Variants in PRPF31 observed in about 807,000 individuals in gnomAD.
PRPF31 encodes the protein pre-mRNA processing factor 31, also known as U4/U6 small nuclear ribonucleoprotein Prp31.
Under a neutral mutation model 60.4 loss-of-function variants are expected in PRPF31, and 12 were observed. The observed-to-expected ratio is 0.20, with a 90% confidence interval of 0.13 to 0.32. PRPF31 has a LOEUF of 0.32. Among genes scored for constraint, PRPF31 ranks in the 10% least tolerant of loss-of-function variants. The pLI is 1.00. For missense variants in PRPF31, 431 were observed against 687.1 expected, an observed-to-expected ratio of 0.63 and a Z score of 4.17; for synonymous variants, 287 against 287.9, an observed-to-expected ratio of 1.00 and a Z score of 0.03.
chr19:54,130,264 G>A (rs969612717), intron 13 of PRPF31, among the ~76,000 whole-genome samples: 1 of 133,294 alleles, frequency 7.5e-6, no homozygotes, highest in Non-Finnish European at 1.6e-5. Flanking sequence ...AAGATGTCCA[G>A]TGTAGGAGAA....
intron 3 of PRPF31, 193 bp downstream of exon 3, chr19:54,118,826 T>G (rs2073716875): frequency 3.2e-6 from 2 of 620,836 alleles, no homozygotes; most frequent in Non-Finnish European, 5.6e-6. Context: ...GCTTCTTAAG[T>G]CCTTCCTGTG....
intron 13 of PRPF31, 86 bp from the exon 14 acceptor site, chr19:54,131,221 G>A: frequency 6.4e-7 from 1 of 1,563,712 alleles, no homozygotes; most frequent in Admixed American, 1.7e-5. Context: ...TGAGTGCCAT[G>A]GGGAAGGGCC....
rs587637177 is a variant in PRPF31, at chr19:54,117,037, G to A, written c.-8-1234G>A. On this transcript the variant is annotated intron_variant, in intron 1 of 13. Coordinates refer to ENST00000321030, the MANE Select transcript of PRPF31 (RefSeq NM_015629.4). Reference sequence around the variant, plus strand: ...TTGAGCCCAGGTGATCGAGGCTGCCGTGAGCTATGATGGCGCCACTGCACT... The same window carrying A: ...TTGAGCCCAGGTGATCGAGGCTGCCATGAGCTATGATGGCGCCACTGCACT... Among the ~76,000 whole-genome samples, 9 of 152,212 alleles carry A rather than the reference G, an allele frequency of 5.9e-5. No individual in the cohort carries two copies. The South Asian group carries it at 1.5e-3, about 25-fold the overall frequency.
At chr19:54,128,828 A>C (rs1028600445) in intron 11 of PRPF31, among the ~76,000 whole-genome samples, 1 of 151,756 alleles carries the variant, frequency 6.6e-6, no homozygotes. Context: ...TGGCCTCCCA[A>C]CTCTGAGCTC....
chr19:54,123,344 C>T, intron 5 of PRPF31, 110 bp from the exon 6 acceptor site: 1 of 856,648 alleles, frequency 1.2e-6, no homozygotes, highest in Non-Finnish European at 2.0e-6. Flanking sequence ...TGCAGAGACC[C>T]TGACTGTCCC....
At position 54,118,459 on chromosome 19, in the gene PRPF31, A is replaced by G. The variant is rs368136864; in HGVS notation, c.177+4A>G. 1 of 1,614,048 alleles carries G rather than the reference A, an allele frequency of 6.2e-7. No homozygotes were observed. The highest frequency in any genetic ancestry group is 8.5e-7 in the Non-Finnish European group (1 of 1,180,012). ...CAAGCTATGGGATAGTAAGATGGTA[A>G]GAGGACAAGAGGTGTTCCTAGCAGG... On this transcript the variant is annotated splice_donor_region_variant and intron_variant, in intron 2 of 13. Coordinates refer to ENST00000321030, the MANE Select transcript of PRPF31 (RefSeq NM_015629.4).
chr19:54,123,033 A>G, intron 5 of PRPF31: 1 of 436,126 alleles, frequency 2.3e-6, no homozygotes, highest in Non-Finnish European at 4.3e-6. Context: ...AAGCCAAGGA[A>G]GGGTTTCGGA....
Position 54,129,280 on chromosome 19 carries a change from G to A in PRPF31, c.1284G>A (p.Leu428=). The A allele has an allele frequency of 6.2e-7, 1 of 1,611,358 alleles. No homozygotes were observed. Among genetic ancestry groups the A allele is most frequent in the Non-Finnish European group, 8.5e-7 (1 of 1,179,390 alleles). The change falls in exon 13 of 14, where the codon CTG becomes CTA. Residue 428 remains leucine (L), a synonymous_variant. Coordinates refer to ENST00000321030, the MANE Select transcript of PRPF31 (RefSeq NM_015629.4). ...ARISKTLQRT[L]QKQSVVYGGK... ...CCCTGTCCTCCCCACAGCGGACCCT[G>A]CAGAAGCAGAGCGTCGTATATGGCG...
intron 11 of PRPF31, among the ~76,000 whole-genome samples, chr19:54,128,622 C>T (rs373720115): frequency 1.4e-3 from 214 of 152,114 alleles, no homozygotes; most frequent in African/African-American, 4.9e-3. Context: ...CCCCGGGCTC[C>T]TTGGCCGGTT....
intron 13 of PRPF31, among the ~76,000 whole-genome samples, chr19:54,130,245 C>T (rs1274956866): frequency 7.5e-6 from 1 of 133,030 alleles, no homozygotes; most frequent in Non-Finnish European, 1.6e-5. Flanking sequence ...TGGGCGCAGA[C>T]AGCTCAGTAA....
chr19:54,122,821 C>T, intron 5 of PRPF31: 2 of 619,852 alleles, frequency 3.2e-6, no homozygotes, highest in South Asian at 3.7e-5. Context: ...TGGCCTGACC[C>T]ACGCTGCTCC....
At position 54,122,603 on chromosome 19, in the gene PRPF31, A is replaced by G. The variant is rs764619223; in HGVS notation, c.420+9A>G. On this transcript the variant is annotated intron_variant, in intron 5 of 13. Coordinates refer to ENST00000321030, the MANE Select transcript of PRPF31 (RefSeq NM_015629.4). ...ACATCCGCACGGTCAAGGTGAGCGC[A>G]GAGAAGGTGGGGTGCTTCTGCTGGC... 6.2e-7 allele frequency: 1 copy of G among 1,612,160 alleles called. No homozygotes were observed.
intron 1 of PRPF31, among the ~76,000 whole-genome samples, chr19:54,117,316 C>T (rs1262717757): frequency 6.6e-6 from 1 of 152,084 alleles, no homozygotes; most frequent in African/African-American, 2.4e-5. Flanking sequence ...CTTTAGAAGA[C>T]CATTTCAAGC....
intron 3 of PRPF31, chr19:54,120,010 G>A (rs978315236): frequency 6.6e-6 from 1 of 152,182 alleles, no homozygotes; most frequent in Non-Finnish European, 1.5e-5. Context: ...GCTATCAGTG[G>A]TGGTACCAAG....
rs754394723 is a variant in PRPF31 at position 54,128,363 on chromosome 19, A to T, written c.1132A>T (p.Met378Leu). The T allele has an allele frequency of 1.7e-5, 26 of 1,532,484 alleles. No individual in the cohort carries two copies. The highest frequency in any genetic ancestry group is 2.3e-5 in the Non-Finnish European group (26 of 1,138,734). The allele number at this position is 1,532,484 out of a possible 1,614,324, so 94.9% of individuals were successfully genotyped here. Residue 378 changes from methionine to leucine, a missense_variant, in exon 11 of 14, where the codon ATG becomes TTG. Physicochemically the swap from Met to Leu is conservative, Grantham distance 15 (BLOSUM62 2). Transcript: ENST00000321030. ...LTEIRKQANR[M>L]SFGEIEEDAY... ...GGAGATCCGGAAGCAGGCCAACCGT[A>T]TGAGCTTCGGAGAGGTCAGACTCCC...
intron 13 of PRPF31, among the ~76,000 whole-genome samples, chr19:54,129,797 C>T (rs1263734422): frequency 6.6e-6 from 1 of 151,338 alleles, no homozygotes; most frequent in Non-Finnish European, 1.5e-5. Context: ...CAGTGAGCAG[C>T]GTGGAGCATG....
At chr19:54,118,136 CT>C in intron 1 of PRPF31, 134 bp from the exon 2 acceptor site, 1 of 1,247,240 alleles carries the variant, frequency 8.0e-7, no homozygotes, top group Non-Finnish European at 1.2e-6. Flanking sequence ...ACTAAAGCAC[CT>C]GTTGTCGTGG....
At position 54,129,377 on chromosome 19, in the gene PRPF31, C is replaced by T; in HGVS notation, c.1374+7C>T. On this transcript the variant is annotated splice_region_variant and intron_variant, in intron 13 of 13. Transcript: ENST00000321030. ...GGCCTTCACCCCACTCCAGGTACCT[C>T]CCCTGGGCCGGCTCTGTCCCCAGCC... The T allele has an allele frequency of 6.3e-7, 1 of 1,587,406 alleles. No individual in the cohort carries two copies. The highest frequency in any genetic ancestry group is 8.6e-7 in the Non-Finnish European group (1 of 1,168,252).
Position 54,123,583 on chromosome 19 carries a change from G to A in PRPF31, c.527+23G>A, listed in dbSNP as rs587696453. On this transcript the variant is annotated intron_variant, in intron 6 of 13. Transcript: ENST00000321030. ...GGGGTATGTCCGCTTCGAGGGAGGCGCCGGGCCCTAATGGGATTGGGGATT... is the reference window on the plus strand; with the variant it reads ...GGGGTATGTCCGCTTCGAGGGAGGCACCGGGCCCTAATGGGATTGGGGATT... The A allele has an allele frequency of 2.4e-5, 39 of 1,611,640 alleles. No individual in the cohort carries two copies. In the African/African-American group the frequency reaches 2.7e-4, roughly 11 times the overall value.
Sources: gnomAD v4.1 joint callset for allele counts (sites outside exome capture counted in the v4.1 genomes callset) on GRCh38, gnomAD v4.1.1 for gene constraint, MANE v1.5 for transcripts, NCBI Gene and HGNC (gene_info 2026-07-23, HGNC 2026-07-21) for gene names.